SIPA1L2: variants seen among roughly 807,000 people sequenced by gnomAD.
The protein encoded by SIPA1L2 is signal induced proliferation associated 1 like 2, also known as signal-induced proliferation-associated 1-like protein 2.
SIPA1L2 carries 56 observed loss-of-function variants against 163.9 expected under a neutral mutation model. That is an observed-to-expected ratio of 0.34 (90% CI 0.28 to 0.43). The LOEUF is 0.43. SIPA1L2 is among the 20% of genes least tolerant of loss of function. The pLI is 1.00. For missense variants in SIPA1L2, 1,974 were observed against 2,193.5 expected, an observed-to-expected ratio of 0.90 and a Z score of 2.00; for synonymous variants, 877 against 865.7, an observed-to-expected ratio of 1.01 and a Z score of -0.23.
rs1573090899 is a variant in SIPA1L2, at chr1:232,564,261, TG to T, written c.-270+9912del. Among the ~76,000 whole-genome samples, 10 of 119,492 alleles carry T rather than the reference TG, an allele frequency of 8.4e-5. No individual in the cohort carries two copies. In the South Asian group the frequency reaches 1.7e-3, roughly 20 times the overall value. The allele number at this position is 119,492 out of a possible 152,430, so 78.4% of individuals were successfully genotyped here. Reference sequence around the variant, plus strand: ...GTGTGTGTGTGTGTGTGTGTGTGTGTGTGTGTGTGTGTGTGTGTGTATGATG... The same window carrying T: ...GTGTGTGTGTGTGTGTGTGTGTGTGTTGTGTGTGTGTGTGTGTGTATGATG... On this transcript the variant is annotated intron_variant, in intron 2 of 22. Coordinates refer to ENST00000674635, the MANE Select transcript of SIPA1L2 (RefSeq NM_020808.5).
rs1278194080 is a variant in SIPA1L2, at chr1:232,471,546, A to T, written c.2086-18T>A. ...CTCAGTAGCTGTGGTCAAGAAAGTG[A>T]AGAGTTACAAATAAGTTTTTCTTTA... On this transcript the variant is annotated intron_variant, in intron 7 of 22. Transcript: ENST00000674635. 6.3e-7 allele frequency: 1 copy of T among 1,584,442 alleles called. No individual in the cohort carries two copies. The highest frequency in any genetic ancestry group is 1.9e-5 in the Admixed American group (1 of 51,992).
At chr1:232,422,831 T>G (rs570877624) in intron 18 of SIPA1L2, among the ~76,000 whole-genome samples, 2 of 152,308 alleles carry the variant, frequency 1.3e-5, no homozygotes, top group South Asian at 4.1e-4. Flanking sequence ...TTTCAGCTTT[T>G]TGGGCTGCTC....
At position 232,573,986 on chromosome 1, in the gene SIPA1L2, C is replaced by G. The variant is rs555459204; in HGVS notation, c.-270+188G>C. The stretch of plus-strand genomic sequence containing the variant: ...TTTGAAACTAGGCAACTCCAAAATT[C>G]AAATGAGCTTTCTTAAAACAATGCT... On this transcript the variant is annotated intron_variant, in intron 2 of 22. Transcript: ENST00000674635. 5.9e-5 allele frequency among the ~76,000 whole-genome samples: 9 copies of G among 152,160 alleles called. No individual in the cohort carries two copies. In the East Asian group the frequency reaches 1.7e-3, roughly 29 times the overall value.
chr1:232,459,815 T>C (rs1214210861), intron 10 of SIPA1L2, among the ~76,000 whole-genome samples: 1 of 152,138 alleles, frequency 6.6e-6, no homozygotes, highest in Admixed American at 6.5e-5. Flanking sequence ...GCCCAGCCCC[T>C]AAAGTTTTAT....
At chr1:232,409,223 T>C (rs1660812381) in intron 19 of SIPA1L2, among the ~76,000 whole-genome samples, 1 of 152,236 alleles carries the variant, frequency 6.6e-6, no homozygotes, top group African/African-American at 2.4e-5. Flanking sequence ...ACTCTACAAG[T>C]TAATTCAGGA....
At chr1:232,621,591 C>T (rs1031618025) in intron 1 of SIPA1L2, among the ~76,000 whole-genome samples, 11 of 152,178 alleles carry the variant, frequency 7.2e-5, no homozygotes, top group African/African-American at 2.2e-4. Context: ...TTATAAGGTT[C>T]TCGTTAAGTA....
At chr1:232,505,455 T>C (rs1009897960) in intron 3 of SIPA1L2, among the ~76,000 whole-genome samples, 4 of 152,246 alleles carry the variant, frequency 2.6e-5, no homozygotes, top group African/African-American at 9.6e-5. Flanking sequence ...TTAAGTCTTA[T>C]TCCTTTTCCC....
In SIPA1L2 at chr1:232,564,810, G is replaced by C. The variant is rs192651084; in HGVS notation, c.-270+9364C>G. Among the ~76,000 whole-genome samples the C allele has an allele frequency of 9.2e-5, 14 of 152,130 alleles. No homozygotes were observed. In the East Asian group the frequency reaches 2.7e-3, roughly 30 times the overall value. Reference sequence around the variant, plus strand: ...AGATGGGAGAAGTAATAAATAATAAGTGTACACATGTTCTCTCTCATAAGT... The same window carrying C: ...AGATGGGAGAAGTAATAAATAATAACTGTACACATGTTCTCTCTCATAAGT... On this transcript the variant is annotated intron_variant, in intron 2 of 22. Transcript: ENST00000674635.
chr1:232,420,913 C>T (rs1018712019), intron 18 of SIPA1L2, among the ~76,000 whole-genome samples: 3 of 152,200 alleles, frequency 2.0e-5, no homozygotes, highest in Non-Finnish European at 4.4e-5. Flanking sequence ...ACACGAAGCA[C>T]GGTGACCTCC....
At chr1:232,581,249 C>T (rs926442011) in intron 1 of SIPA1L2, among the ~76,000 whole-genome samples, 5 of 152,152 alleles carry the variant, frequency 3.3e-5, no homozygotes, top group Admixed American at 6.5e-5. Flanking sequence ...TCCCTTAGCT[C>T]GGTGACTAGT....
At chr1:232,522,254 G>C (rs984458169) in intron 2 of SIPA1L2, among the ~76,000 whole-genome samples, 2 of 152,140 alleles carry the variant, frequency 1.3e-5, no homozygotes, top group African/African-American at 4.8e-5. Context: ...AGCCACTCAT[G>C]ATTTGGTCCA....
intron 1 of SIPA1L2, among the ~76,000 whole-genome samples, chr1:232,629,045 C>A (rs774492863): frequency 1.3e-5 from 2 of 152,166 alleles, no homozygotes; most frequent in African/African-American, 4.8e-5. Flanking sequence ...GTAACCAATG[C>A]ACTTGATTTT....
intron 1 of SIPA1L2, among the ~76,000 whole-genome samples, chr1:232,599,088 C>T (rs1482776329): frequency 2.0e-5 from 3 of 151,942 alleles, no homozygotes; most frequent in Non-Finnish European, 2.9e-5. Context: ...GATTCAATAA[C>T]ATTAGTTCCC....
chr1:232,424,322 C>CAAAAAAAAAA (rs55961523), intron 18 of SIPA1L2, among the ~76,000 whole-genome samples: 6 of 71,774 alleles, frequency 8.4e-5, no homozygotes, highest in African/African-American at 1.1e-4. Flanking sequence ...GTGAAGCTAA[C>CAAAAAAAAAA]AAAAAAAAAA....
intron 2 of SIPA1L2, among the ~76,000 whole-genome samples, chr1:232,519,549 C>G (rs939202627): frequency 6.6e-6 from 1 of 152,168 alleles, no homozygotes; most frequent in Non-Finnish European, 1.5e-5. Context: ...CCCACACATG[C>G]CTTCTTCTTC....
intron 3 of SIPA1L2, among the ~76,000 whole-genome samples, chr1:232,510,718 C>T (rs1327718176): frequency 2.0e-5 from 3 of 151,998 alleles, no homozygotes; most frequent in Non-Finnish European, 4.4e-5. Flanking sequence ...ATCTAGCAAC[C>T]TAAAATCATC....
chr1:232,400,407 G>A (rs1175188276), intron 22 of SIPA1L2, among the ~76,000 whole-genome samples: 1 of 152,160 alleles, frequency 6.6e-6, no homozygotes, highest in Non-Finnish European at 1.5e-5. Context: ...TGCACGCTCA[G>A]TCTCTCCTGA....
Position 232,514,171 on chromosome 1 carries a change from T to C in SIPA1L2, c.1169A>G (p.Lys390Arg), listed in dbSNP as rs748897210. 1.9e-6 allele frequency: 3 copies of C among 1,614,104 alleles called. No individual in the cohort carries two copies. Among genetic ancestry groups the C allele is most frequent in the East Asian group, 2.2e-5 (1 of 44,884 alleles). The change falls in exon 3 of 23, where the codon AAA becomes AGA. Residue 390 changes from lysine to arginine, a missense_variant. Lys to Arg is a conservative substitution (Grantham distance 26). Around this residue, in one of 3 missense-constraint regions of SIPA1L2, gnomAD observed 607 missense variants for 624.0 expected, o/e 0.97. Transcript: ENST00000674635. ...PLGSKEDLNS[K>R]ENLDADEGDG... ...ACCCTCATCGGCATCCAGGTTCTCT[T>C]TGGAGTTGAGGTCCTCCTTGCTCCC...
Position 232,465,043 on chromosome 1 carries a change from G to T in SIPA1L2, c.2617C>A (p.Leu873Ile). 1 of 1,614,170 alleles carries T rather than the reference G, an allele frequency of 6.2e-7. No homozygotes were observed. The highest frequency in any genetic ancestry group is 1.3e-5 in the African/African-American group (1 of 75,040). ...DFGQSADIECLLGISNEFIML... is the reference protein window; with the variant it reads ...DFGQSADIECILGISNEFIML... ...ATGAACTCATTGGAGATCCCGAGAA[G>T]ACATTCAATGTCAGCAGACTGGCCG... The change falls in exon 9 of 23, where the codon CTT (leucine) becomes ATT (isoleucine). Residue 873 changes from leucine (L) to isoleucine (I), a missense_variant. Transcript: ENST00000674635. This position sits in a 1 kb window ranked among gnomAD's most constrained non-coding sequence, Gnocchi z 4.1.
Sources: allele counts gnomAD v4.1 joint callset (sites outside exome capture counted in the v4.1 genomes callset), GRCh38; gene constraint gnomAD v4.1.1; regional missense constraint gnomAD v4.1.1; non-coding constraint Gnocchi (gnomAD v3.1); transcripts MANE v1.5; gene names NCBI Gene and HGNC (gene_info 2026-07-23, HGNC 2026-07-21).